NLGN1: variants seen among roughly 807,000 people sequenced by gnomAD.
The protein encoded by NLGN1 is neuroligin-1.
Under a neutral mutation model 65.5 loss-of-function variants are expected in NLGN1, and 12 were observed. The ratio of observed to expected loss-of-function variants is 0.18; its 90% CI spans 0.12 to 0.30. The LOEUF is 0.30. Among genes scored for constraint, NLGN1 ranks in the 10% least tolerant of loss-of-function variants. NLGN1 has a pLI of 1.00. For missense variants in NLGN1, 750 were observed against 1,007.1 expected (o/e 0.74, Z 3.46); for synonymous variants, 350 against 359.5 (o/e 0.97, Z 0.30).
chr3:173,633,864 T>A (rs1448733168), intron 3 of NLGN1, among the ~76,000 whole-genome samples: 1 of 152,158 alleles, frequency 6.6e-6, no homozygotes, highest in Non-Finnish European at 1.5e-5. Flanking sequence ...TTTTTTTCCA[T>A]AACCCTTTCT....
intron 3 of NLGN1, among the ~76,000 whole-genome samples, chr3:173,723,575 A>G (rs1399782304): frequency 2.0e-5 from 3 of 152,142 alleles, no homozygotes; most frequent in African/African-American, 7.2e-5. Context: ...GTGATGACCA[A>G]GTTTGTTCAT....
At chr3:173,758,185 C>T (rs1302075465) in intron 3 of NLGN1, among the ~76,000 whole-genome samples, 5 of 152,012 alleles carry the variant, frequency 3.3e-5, no homozygotes, top group Non-Finnish European at 5.9e-5. Flanking sequence ...GAAGAAGATG[C>T]CTGTCTGCAA....
chr3:173,411,978 TAAAATCTGTTAGCAGC>T (rs1712670534), intron 1 of NLGN1, among the ~76,000 whole-genome samples: 1 of 152,194 alleles, frequency 6.6e-6, no homozygotes, highest in Non-Finnish European at 1.5e-5. Context: ...AGATGATATG[TAAAATCTGTTAGCAGC>T]AATTCCAAAT....
intron 4 of NLGN1, among the ~76,000 whole-genome samples, chr3:174,038,773 G>A (rs978097835): frequency 6.6e-6 from 1 of 152,074 alleles, no homozygotes; most frequent in African/African-American, 2.4e-5. Flanking sequence ...AGTTCTAATT[G>A]CCTTATGTTT....
In NLGN1 at chr3:174,166,453, G is replaced by A. The variant is rs1056605241; in HGVS notation, c.647-108862G>A. Reference sequence around the variant, plus strand: ...CTTTAATTTCATCGTTTACCCAAACGGATTAAGTTGTTTAATTTCCATATA... The same window carrying A: ...CTTTAATTTCATCGTTTACCCAAACAGATTAAGTTGTTTAATTTCCATATA... On this transcript the variant is annotated intron_variant, in intron 4 of 6. Coordinates refer to ENST00000457714, the Ensembl canonical transcript of NLGN1. 2.6e-5 allele frequency among the ~76,000 whole-genome samples: 4 copies of A among 151,948 alleles called. No homozygotes were observed. In the South Asian group the frequency reaches 6.2e-4, roughly 24 times the overall value.
At chr3:173,505,932 A>G (rs1731960273) in intron 2 of NLGN1, among the ~76,000 whole-genome samples, 2 of 152,130 alleles carry the variant, frequency 1.3e-5, no homozygotes, top group African/African-American at 4.8e-5. Context: ...ATTTGTATGT[A>G]TATATGTTTA....
Position 173,599,685 on chromosome 3 carries a change from C to A in NLGN1, c.-320-4594C>A, listed in dbSNP as rs1577464367. Among the ~76,000 whole-genome samples the A allele has an allele frequency of 2.0e-5, 3 of 152,134 alleles. No homozygotes were observed. The East Asian group carries it at 5.8e-4, about 29-fold the overall frequency. On this transcript the variant is annotated intron_variant, in intron 2 of 6. Coordinates refer to ENST00000457714, the Ensembl canonical transcript of NLGN1. ...GCTAGGGTGGCCTGACTTCAAACAA[C>A]CCACAGACCTATAAGTGCAAAACAT...
Position 173,746,469 on chromosome 3 carries a change from C to T in NLGN1, c.494-61211C>T, listed in dbSNP as rs183598730. On this transcript the variant is annotated intron_variant, in intron 3 of 6. Coordinates refer to ENST00000457714, the Ensembl canonical transcript of NLGN1. ...TCCTCTCTCCTCCACTTACTGACCT[C>T]CAGTCATTCAAGCCTTGTCCCGGTC... 3.0e-3 allele frequency among the ~76,000 whole-genome samples: 463 copies of T among 152,160 alleles called. 2 individuals carry two copies. Among genetic ancestry groups the T allele is most frequent in the South Asian group, 4.8e-3 (23 of 4,816 alleles).
At chr3:173,918,369 G>T (rs1045307612) in intron 4 of NLGN1, among the ~76,000 whole-genome samples, 5 of 152,014 alleles carry the variant, frequency 3.3e-5, no homozygotes, top group African/African-American at 9.7e-5. Context: ...GGGCGCGGTG[G>T]CTCACACCTG....
chr3:174,164,124 T>C (rs115612622), intron 4 of NLGN1, among the ~76,000 whole-genome samples: 2,706 of 152,236 alleles, frequency 0.018, 76 homozygotes, highest in African/African-American at 0.058. Flanking sequence ...TTTTTCATAA[T>C]AGCCATTTTG....
chr3:173,997,815 T>C lies in NLGN1; in HGVS notation c.646+189983T>C, dbSNP rs546996410. 9.2e-5 allele frequency among the ~76,000 whole-genome samples: 14 copies of C among 152,236 alleles called. No homozygotes were observed. In the South Asian group the frequency reaches 2.9e-3, roughly 32 times the overall value. On this transcript the variant is annotated intron_variant, in intron 4 of 6. Transcript: ENST00000457714. ...TCTAGCCACTTAATTTAAAAGGGCT[T>C]TTACACCTTACTGAAGTAAAATACT...
At chr3:173,649,727 G>A (rs1474940315) in intron 3 of NLGN1, among the ~76,000 whole-genome samples, 1 of 151,986 alleles carries the variant, frequency 6.6e-6, no homozygotes, top group East Asian at 1.9e-4. Flanking sequence ...TTTTAGGATT[G>A]TATCTATACT....
At chr3:174,070,715 C>A (rs1739655613) in intron 4 of NLGN1, among the ~76,000 whole-genome samples, 1 of 152,072 alleles carries the variant, frequency 6.6e-6, no homozygotes, top group Non-Finnish European at 1.5e-5. Flanking sequence ...TCAGGGTTGG[C>A]TAAATATATA....
chr3:174,257,918 A>C (rs1466057950), intron 4 of NLGN1, among the ~76,000 whole-genome samples: 2 of 150,756 alleles, frequency 1.3e-5, no homozygotes, highest in African/African-American at 4.9e-5. Flanking sequence ...ATATATATAT[A>C]TAAAGTTCGA....
intron 4 of NLGN1, among the ~76,000 whole-genome samples, chr3:173,934,912 AAG>A (rs1744776797): frequency 6.6e-6 from 1 of 152,042 alleles, no homozygotes; most frequent in African/African-American, 2.4e-5. Context: ...TTCTTAATAA[AAG>A]AGTCTCTATC....
At chr3:173,466,761 T>A (rs181037084) in intron 2 of NLGN1, among the ~76,000 whole-genome samples, 2 of 152,270 alleles carry the variant, frequency 1.3e-5, no homozygotes. Flanking sequence ...CCATAGACAA[T>A]TAAAATTAAA....
intron 4 of NLGN1, among the ~76,000 whole-genome samples, chr3:173,899,421 T>C (rs1736927779): frequency 6.6e-6 from 1 of 152,078 alleles, no homozygotes; most frequent in African/African-American, 2.4e-5. Flanking sequence ...ATTGAGAACA[T>C]AGATAAACCT....
chr3:173,860,462 T>C (rs1728836075), intron 4 of NLGN1, among the ~76,000 whole-genome samples: 2 of 152,336 alleles, frequency 1.3e-5, no homozygotes, highest in South Asian at 4.1e-4. Flanking sequence ...TCTTTGGTGT[T>C]CCATTATAGT....
intron 2 of NLGN1, among the ~76,000 whole-genome samples, chr3:173,509,049 C>A (rs1732499477): frequency 6.6e-6 from 1 of 152,112 alleles, no homozygotes; most frequent in Non-Finnish European, 1.5e-5. Flanking sequence ...AAAGATGGCA[C>A]CTCTAGAATA....
Sources: gnomAD v4.1 joint callset for allele counts (sites outside exome capture counted in the v4.1 genomes callset) on GRCh38, gnomAD v4.1.1 for gene constraint, MANE v1.5 for transcripts, NCBI Gene and HGNC (gene_info 2026-07-23, HGNC 2026-07-21) for gene names.